The following CARM1 variants were observed in gnomAD, a reference collection of about 807,000 sequenced individuals.
CARM1 encodes coactivator associated arginine methyltransferase 1, also known as histone-arginine methyltransferase CARM1.
A neutral mutation model predicts 72.7 loss-of-function variants in CARM1; 14 were observed. The observed-to-expected ratio is 0.19, with a 90% confidence interval of 0.13 to 0.30. CARM1 has a LOEUF of 0.30. Among genes scored for constraint, CARM1 ranks in the 10% least tolerant of loss-of-function variants. CARM1 has a pLI of 1.00. For synonymous variants in CARM1, 333 were observed against 345.5 expected, an observed-to-expected ratio of 0.96 and a Z score of 0.40; for missense variants, 432 against 833.7, an observed-to-expected ratio of 0.52 and a Z score of 5.93.
intron 1 of CARM1, among the ~76,000 whole-genome samples, chr19:10,885,820 C>T (rs564039331): frequency 1.3e-5 from 2 of 151,800 alleles, no homozygotes; most frequent in South Asian, 4.2e-4. Context: ...CTCCCGCTCA[C>T]ACACTCCAAG....
At chr19:10,904,874 G>A in intron 1 of CARM1, 77 bp from the exon 2 acceptor site, 2 of 1,569,582 alleles carry the variant, frequency 1.3e-6, no homozygotes, top group East Asian at 4.5e-5. Context: ...GGCAGCAGGA[G>A]GGCGACAGGG....
intron 1 of CARM1, among the ~76,000 whole-genome samples, chr19:10,875,714 G>A (rs940826567): frequency 2.0e-5 from 3 of 151,404 alleles, no homozygotes; most frequent in East Asian, 2.0e-4. Context: ...TTGAGCCACC[G>A]TGCCCGGCCC....
intron 1 of CARM1, among the ~76,000 whole-genome samples, chr19:10,897,446 A>G (rs1445497828): frequency 1.3e-5 from 2 of 152,134 alleles, no homozygotes; most frequent in South Asian, 2.1e-4. Context: ...CTTCCTGGGA[A>G]GCAAGAAAGG....
intron 1 of CARM1, 101 bp downstream of exon 1, chr19:10,872,023 C>CA: frequency 2.0e-6 from 2 of 985,662 alleles, no homozygotes; most frequent in Non-Finnish European, 2.5e-6. Flanking sequence ...GGGGGCCTGG[C>CA]GTGGGGTCCC....
chr19:10,914,494 G>C (rs1220585092), intron 6 of CARM1, among the ~76,000 whole-genome samples: 1 of 152,220 alleles, frequency 6.6e-6, no homozygotes, highest in Non-Finnish European at 1.5e-5. Context: ...TGAGGTAGCT[G>C]TCTGGCAAGC....
At chr19:10,890,260 G>GTTTTTTTTTTTTTTTTT (rs377132328) in intron 1 of CARM1, among the ~76,000 whole-genome samples, 2 of 110,534 alleles carry the variant, frequency 1.8e-5, no homozygotes, top group African/African-American at 6.1e-5. Flanking sequence ...TTTGTTTTTT[G>GTTTTTTTTTTTTTTTTT]TTTTGTTTGT....
chr19:10,915,830 T>C lies in CARM1; in HGVS notation c.848-577T>C, dbSNP rs752439676. 6.6e-6 allele frequency among the ~76,000 whole-genome samples: 1 copy of C among 152,152 alleles called. No homozygotes were observed. The highest frequency in any genetic ancestry group is 2.4e-5 in the African/African-American group (1 of 41,448). On this transcript the variant is annotated intron_variant, in intron 6 of 15. Coordinates refer to ENST00000327064, the MANE Select transcript of CARM1 (RefSeq NM_199141.2). The surrounding 1 kb of genome is among the most constrained non-coding windows in gnomAD (Gnocchi z 4.6). ...TGAGTCACAGAGGGAGGCCCTGCCC[T>C]TCCCTCAGTCTGTGTGCCCAGACCA...
In CARM1 at chr19:10,901,849, A is replaced by G. The variant is rs951809326; in HGVS notation, c.221-3102A>G. ...CCAGCTACTCAGGAGGCTGAGGCAT[A>G]AGAATCGCTTGAACGCAGCTACTCA... is the stretch of plus-strand genomic sequence containing the variant. On this transcript the variant is annotated intron_variant, in intron 1 of 15. Transcript: ENST00000327064. 5.9e-5 allele frequency among the ~76,000 whole-genome samples: 9 copies of G among 151,784 alleles called. No homozygotes were observed. In the South Asian group the frequency reaches 1.2e-3, roughly 21 times the overall value.
At chr19:10,910,694 T>C (rs1247129255) in intron 4 of CARM1, among the ~76,000 whole-genome samples, 2 of 150,224 alleles carry the variant, frequency 1.3e-5, no homozygotes, top group African/African-American at 4.9e-5. Flanking sequence ...GCCTCCTGAG[T>C]AGCTGGGACT....
At chr19:10,876,754 G>A (rs1043184757) in intron 1 of CARM1, among the ~76,000 whole-genome samples, 2 of 152,248 alleles carry the variant, frequency 1.3e-5, no homozygotes, top group Admixed American at 1.3e-4. Flanking sequence ...CATGGCCTCT[G>A]GAGTTCCTGG....
chr19:10,877,729 T>C (rs2073874431), intron 1 of CARM1, among the ~76,000 whole-genome samples: 1 of 151,362 alleles, frequency 6.6e-6, no homozygotes, highest in Non-Finnish European at 1.5e-5. Context: ...GCCTGTGTTT[T>C]ATTATTTATT....
chr19:10,909,733 T>C (rs1009588957), intron 4 of CARM1, among the ~76,000 whole-genome samples: 2 of 145,274 alleles, frequency 1.4e-5, no homozygotes, highest in Non-Finnish European at 3.0e-5. Context: ...TGAGACTCCA[T>C]CTCAAAAAAC....
At position 10,896,246 on chromosome 19, in the gene CARM1, G is replaced by A. The variant is rs888613526; in HGVS notation, c.221-8705G>A. ...CTGCATGCTGGGACCCAGGGCTGCCGTGGAGCTGCTTGCTGCCCCACCCAC... is the reference window on the plus strand; with the variant it reads ...CTGCATGCTGGGACCCAGGGCTGCCATGGAGCTGCTTGCTGCCCCACCCAC... On this transcript the variant is annotated intron_variant, in intron 1 of 15. Transcript: ENST00000327064. The surrounding 1 kb of genome is among the most constrained non-coding windows in gnomAD (Gnocchi z 5.2). Among the ~76,000 whole-genome samples, 13 of 152,000 alleles carry A rather than the reference G, an allele frequency of 8.6e-5. No homozygotes were observed. Among genetic ancestry groups the A allele is most frequent in the African/African-American group, 3.1e-4 (13 of 41,372 alleles).
At position 10,874,464 on chromosome 19, in the gene CARM1, C is replaced by T. The variant is rs76465699; in HGVS notation, c.220+2542C>T. ...TGGAGTGCAGTGGTACAGTCTCAGTCTCAGCTCACTGCAGCCTTCCATGGC... is the reference window on the plus strand; with the variant it reads ...TGGAGTGCAGTGGTACAGTCTCAGTTTCAGCTCACTGCAGCCTTCCATGGC... On this transcript the variant is annotated intron_variant, in intron 1 of 15. Transcript: ENST00000327064. 2.6e-3 allele frequency among the ~76,000 whole-genome samples: 397 copies of T among 151,754 alleles called. 1 individual carries two copies. Among genetic ancestry groups the T allele is most frequent in the African/African-American group, 9.4e-3 (387 of 41,362 alleles).
At chr19:10,899,676 C>A (rs369885416) in intron 1 of CARM1, among the ~76,000 whole-genome samples, 6 of 151,922 alleles carry the variant, frequency 3.9e-5, no homozygotes, top group Admixed American at 3.3e-4. Flanking sequence ...ATCTGTAGGC[C>A]CTCATACCTG....
chr19:10,893,438 A>G (rs2074002735), intron 1 of CARM1, among the ~76,000 whole-genome samples: 1 of 152,040 alleles, frequency 6.6e-6, no homozygotes, highest in Non-Finnish European at 1.5e-5. Context: ...TCCTGGCTTC[A>G]AGTGATTCTC....
In CARM1 at chr19:10,920,567, A is replaced by G. The variant is rs1238458509; in HGVS notation, c.1328A>G (p.Asn443Ser). The change falls in exon 11 of 16, where the codon AAC (asparagine) becomes AGC (serine). Residue 443 changes from asparagine (N) to serine (S), a missense_variant. Asn to Ser is a conservative substitution (Grantham distance 46). Coordinates refer to ENST00000327064, the MANE Select transcript of CARM1 (RefSeq NM_199141.2). The surrounding 1 kb of genome is among the most constrained non-coding windows in gnomAD (Gnocchi z 5.3). ...TLSGTCLLIA[N>S]KRQSYDISIV... is the part of the protein sequence containing the mutation. ...TCAGGGACATGTCTGCTTATTGCCA[A>G]CAAAAGGTGCGACTGCTCCCTGGGG... 1 of 1,613,882 alleles carries G rather than the reference A, an allele frequency of 6.2e-7. No individual in the cohort carries two copies. Among genetic ancestry groups the G allele is most frequent in the Non-Finnish European group, 8.5e-7 (1 of 1,179,856 alleles).
intron 1 of CARM1, among the ~76,000 whole-genome samples, chr19:10,883,269 A>G (rs564844251): frequency 6.6e-6 from 1 of 152,188 alleles, no homozygotes; most frequent in Non-Finnish European, 1.5e-5. Flanking sequence ...CCTGGAAGAG[A>G]AGATGTATCC....
chr19:10,891,139 T>G (rs1273618394), intron 1 of CARM1, among the ~76,000 whole-genome samples: 1 of 150,540 alleles, frequency 6.6e-6, no homozygotes, highest in African/African-American at 2.5e-5. Flanking sequence ...CTCGACCCTT[T>G]GCCTTGAGCC....
Sources: gnomAD v4.1 joint callset for allele counts (sites outside exome capture counted in the v4.1 genomes callset) on GRCh38, gnomAD v4.1.1 for gene constraint, Gnocchi (gnomAD v3.1) non-coding constraint, MANE v1.5 for transcripts, NCBI Gene and HGNC (gene_info 2026-07-23, HGNC 2026-07-21) for gene names.